Variants in SLC7A1 observed in about 807,000 individuals in gnomAD.
SLC7A1 encodes the protein high affinity cationic amino acid transporter 1.
In SLC7A1, 10 loss-of-function variants were observed where a neutral mutation model predicts 53.9. The observed-to-expected ratio is 0.19, with a 90% CI of 0.11 to 0.31. The LOEUF is 0.31. Among genes scored for constraint, SLC7A1 ranks in the 10% least tolerant of loss-of-function variants. The pLI, the probability that SLC7A1 is intolerant of heterozygous loss-of-function variation, is 1.00. For synonymous variants in SLC7A1, 342 were observed against 338.7 expected (o/e 1.01, Z -0.11); for missense variants, 525 against 827.2 (o/e 0.63, Z 4.48).
chr13:29,531,255 G>A (rs114630151), intron 4 of SLC7A1, among the ~76,000 whole-genome samples: 118 of 152,148 alleles, frequency 7.8e-4, no homozygotes, highest in African/African-American at 2.7e-3. Flanking sequence ...ATGGTTCTTC[G>A]TTGGACTCAG....
Position 29,553,758 on chromosome 13 carries a change from T to TA in SLC7A1, c.-15+2dup, listed in dbSNP as rs765784347. On this transcript the variant is annotated splice_region_variant and intron_variant, in intron 2 of 12. Transcript: ENST00000380752. ...TGCTGTCGTGCTGACAGGCAGACTG[T>TA]ACCTGGAATATGACGGGAAGCCTCA... 3.3e-5 allele frequency: 5 copies of TA among 152,206 alleles called. No homozygotes were observed. The highest frequency in any genetic ancestry group is 7.3e-5 in the Non-Finnish European group (5 of 68,042). 9.4% of individuals were successfully genotyped at this position (152,206 alleles called of 1,614,324 possible).
chr13:29,527,441 A>G (rs766232767), intron 5 of SLC7A1, among the ~76,000 whole-genome samples: 5 of 148,618 alleles, frequency 3.4e-5, no homozygotes, highest in Non-Finnish European at 7.4e-5. Flanking sequence ...TCCATTCTAC[A>G]GAGGCGCAAA....
At position 29,535,881 on chromosome 13, in the gene SLC7A1, A is replaced by AG; in HGVS notation, c.307_308insC (p.Val103AlafsTer60). The AG allele has an allele frequency of 6.2e-7, 1 of 1,614,170 alleles. No homozygotes were observed. Among genetic ancestry groups the AG allele is most frequent in the Non-Finnish European group, 8.5e-7 (1 of 1,180,030 alleles). Reference sequence around the variant, plus strand: ...GAAGGCCCAGAGCTCTCCAACGGTGACATAGCTGTAGAGGTAAGCTGAGCC... The same window carrying AG: ...GAAGGCCCAGAGCTCTCCAACGGTGAGCATAGCTGTAGAGGTAAGCTGAGCC... On this transcript the variant is annotated frameshift_variant, in exon 3 of 13. Coordinates refer to ENST00000380752, the MANE Select transcript of SLC7A1 (RefSeq NM_003045.5). LOFTEE classifies it high-confidence loss of function.
rs1172449561 is a variant in SLC7A1, at chr13:29,512,477, G to GA, written c.*2002dup. On this transcript the variant is annotated 3_prime_UTR_variant, in exon 13 of 13. Coordinates refer to ENST00000380752, the MANE Select transcript of SLC7A1 (RefSeq NM_003045.5). ...GAAAAACTAGAGAAAAGAAAAAAAA[G>GA]AAAAAAGCAATTCTCTCCCACCACT... The GA allele has an allele frequency of 6.6e-6, 1 of 152,050 alleles. No individual in the cohort carries two copies. Among genetic ancestry groups the GA allele is most frequent in the Admixed American group, 6.5e-5 (1 of 15,270 alleles). 9.4% of individuals were successfully genotyped at this position (152,050 alleles called of 1,614,324 possible). A position where few individuals can be genotyped will look rare whatever the true frequency, so the allele number is the denominator to read the frequency against.
intron 1 of SLC7A1, among the ~76,000 whole-genome samples, chr13:29,590,247 G>A (rs1872053433): frequency 6.6e-6 from 1 of 152,132 alleles, no homozygotes; most frequent in Non-Finnish European, 1.5e-5. Flanking sequence ...GGGAAACACG[G>A]CCCAGAGTTT....
Position 29,514,185 on chromosome 13 carries a change from G to T in SLC7A1, c.*295C>A. 2.4e-6 allele frequency: 1 copy of T among 412,194 alleles called. No individual in the cohort carries two copies. The highest frequency in any genetic ancestry group is 4.4e-6 in the Non-Finnish European group (1 of 225,506). 25.5% of individuals were successfully genotyped at this position (412,194 alleles called of 1,614,324 possible). A position where few individuals can be genotyped will look rare whatever the true frequency, so the allele number is the denominator to read the frequency against. Reference sequence around the variant, plus strand: ...TTCTGCCTGAGGCTGCGGCAGCTCGGGGCTGAGCTGGTAGGGGAGGAACTG... The same window carrying T: ...TTCTGCCTGAGGCTGCGGCAGCTCGTGGCTGAGCTGGTAGGGGAGGAACTG... On this transcript the variant is annotated 3_prime_UTR_variant, in exon 13 of 13. Transcript: ENST00000380752.
intron 3 of SLC7A1, among the ~76,000 whole-genome samples, chr13:29,533,573 G>T (rs916563980): frequency 6.6e-6 from 1 of 152,170 alleles, no homozygotes; most frequent in Non-Finnish European, 1.5e-5. Context: ...CTCAGTGTTG[G>T]CATCAGCCAC....
intron 1 of SLC7A1, among the ~76,000 whole-genome samples, chr13:29,574,708 G>A (rs1029220344): frequency 6.8e-6 from 1 of 147,354 alleles, no homozygotes; most frequent in Non-Finnish European, 1.5e-5. Flanking sequence ...GCAGTGGTGC[G>A]ATCTCGGCTC....
intron 5 of SLC7A1, 63 bp from the exon 6 acceptor site, chr13:29,524,316 G>C: frequency 6.2e-7 from 1 of 1,603,800 alleles, no homozygotes; most frequent in Non-Finnish European, 8.5e-7. Flanking sequence ...GTAAGGAGCT[G>C]TGCTCATCTC....
In SLC7A1 at chr13:29,536,109, C is replaced by A; in HGVS notation, c.80G>T (p.Arg27Leu). The part of the protein sequence containing the change: ...KVVDCSREET[R>L]LSRCLNTFDL... ...AAAAGTGTTCAGGCAGCGAGACAGC[C>A]GCGTCTCCTCCCGGCTACAGTCCAC... is the stretch of plus-strand genomic sequence containing the variant. Residue 27 changes from arginine to leucine, a missense_variant, in exon 3 of 13, where the codon CGG (arginine) becomes CTG (leucine). Physicochemically the swap from Arg to Leu is moderately radical, Grantham distance 102. This residue lies in a region of SLC7A1 where 354 missense variants were observed against 587.5 expected (regional missense o/e 0.60). Transcript: ENST00000380752. 1 of 1,614,006 alleles carries A rather than the reference C, an allele frequency of 6.2e-7. No individual in the cohort carries two copies.
chr13:29,542,469 C>G (rs1446801747), intron 2 of SLC7A1, among the ~76,000 whole-genome samples: 1 of 151,534 alleles, frequency 6.6e-6, no homozygotes, highest in African/African-American at 2.4e-5. Context: ...AAAAAGACTA[C>G]GTGGGCTCAT....
At chr13:29,563,375 G>T (rs1870842014) in intron 1 of SLC7A1, among the ~76,000 whole-genome samples, 1 of 152,176 alleles carries the variant, frequency 6.6e-6, no homozygotes, top group Non-Finnish European at 1.5e-5. Flanking sequence ...TGGGTTTTTT[G>T]ATGTTTCACT....
intron 1 of SLC7A1, among the ~76,000 whole-genome samples, chr13:29,580,978 G>C (rs1442290443): frequency 6.6e-6 from 1 of 152,150 alleles, no homozygotes; most frequent in Non-Finnish European, 1.5e-5. Context: ...CCGGAGAAGA[G>C]CCAGCCTTGG....
chr13:29,575,625 A>G (rs1180790846), intron 1 of SLC7A1, among the ~76,000 whole-genome samples: 1 of 152,208 alleles, frequency 6.6e-6, no homozygotes. Context: ...TAAAATATCT[A>G]CTTTTAGGTA....
intron 1 of SLC7A1, among the ~76,000 whole-genome samples, chr13:29,589,698 C>T (rs1872027105): frequency 6.6e-6 from 1 of 152,236 alleles, no homozygotes; most frequent in African/African-American, 2.4e-5. Flanking sequence ...GGGACGCAGG[C>T]AGATGGGCTT....
intron 5 of SLC7A1, among the ~76,000 whole-genome samples, chr13:29,527,882 T>A (rs548086569): frequency 6.6e-6 from 1 of 152,376 alleles, no homozygotes; most frequent in African/African-American, 2.4e-5. Context: ...GAAACTTTAA[T>A]TATTTCAGCT....
chr13:29,526,475 C>T (rs1375149078), intron 5 of SLC7A1, among the ~76,000 whole-genome samples: 1 of 152,094 alleles, frequency 6.6e-6, no homozygotes, highest in Admixed American at 6.5e-5. Context: ...CTGTGCAACA[C>T]AGCAAAATCC....
chr13:29,528,799 T>C (rs892611858), intron 5 of SLC7A1, among the ~76,000 whole-genome samples: 1 of 152,130 alleles, frequency 6.6e-6, no homozygotes, highest in Non-Finnish European at 1.5e-5. Flanking sequence ...GCCCCACCTA[T>C]GATCAGGGAT....
At chr13:29,565,116 T>TA (rs1294536323) in intron 1 of SLC7A1, among the ~76,000 whole-genome samples, 1 of 152,218 alleles carries the variant, frequency 6.6e-6, no homozygotes, top group Non-Finnish European at 1.5e-5. Flanking sequence ...TTTAAAGAAT[T>TA]ATCTAATTAA....
Sources: allele counts gnomAD v4.1 joint callset (sites outside exome capture counted in the v4.1 genomes callset), GRCh38; gene constraint gnomAD v4.1.1; regional missense constraint gnomAD v4.1.1; transcripts MANE v1.5; gene names NCBI Gene and HGNC (gene_info 2026-07-23, HGNC 2026-07-21).